WDR25: variants seen among roughly 807,000 people sequenced by gnomAD.
WDR25 encodes WD repeat-containing protein 25.
In WDR25, 35 loss-of-function variants were observed where a neutral mutation model predicts 47.7. The observed-to-expected ratio is 0.73, with a 90% CI of 0.56 to 0.97. WDR25 has a LOEUF of 0.97. WDR25 is among the 50% of genes least tolerant of loss of function. The pLI is 0.00. For synonymous variants in WDR25, 248 were observed against 278.9 expected (o/e 0.89, Z 1.10); for missense variants, 634 against 704.7 (o/e 0.90, Z 1.14).
intron 4 of WDR25, among the ~76,000 whole-genome samples, chr14:100,503,317 A>C (rs1045154381): frequency 6.6e-6 from 1 of 152,124 alleles, no homozygotes; most frequent in Non-Finnish European, 1.5e-5. Flanking sequence ...TAAAAGGGAA[A>C]GGTGTCCTCC....
rs117843842 is a variant in WDR25, at chr14:100,523,851, C to T, written c.1102-2019C>T. On this transcript the variant is annotated intron_variant, in intron 4 of 6. Coordinates refer to ENST00000402312, the MANE Select transcript of WDR25 (RefSeq NM_001161476.3). The surrounding 1 kb of genome is among the most constrained non-coding windows in gnomAD (Gnocchi z 4.7). The stretch of plus-strand genomic sequence containing the variant: ...CCTTTTGGATCCAGCTCGTTAGGCT[C>T]GGGTAGCAGCGTCCCATGCCAGCTG... 5.3e-4 allele frequency among the ~76,000 whole-genome samples: 80 copies of T among 152,234 alleles called. 1 individual carries two copies. In the East Asian group the frequency reaches 0.013, roughly 24 times the overall value.
intron 2 of WDR25, among the ~76,000 whole-genome samples, chr14:100,419,219 C>A (rs1355015216): frequency 3.0e-5 from 4 of 132,888 alleles, no homozygotes; most frequent in African/African-American, 9.1e-5. Flanking sequence ...AAGACTCCAT[C>A]ACAAAAAAAA....
At chr14:100,492,831 A>C (rs1399826488) in intron 4 of WDR25, among the ~76,000 whole-genome samples, 3 of 152,160 alleles carry the variant, frequency 2.0e-5, no homozygotes, top group Admixed American at 2.0e-4. Context: ...ATTTCTTTAG[A>C]GACATGGTCT....
At chr14:100,524,229 T>A (rs534268726) in intron 4 of WDR25, among the ~76,000 whole-genome samples, 4 of 151,996 alleles carry the variant, frequency 2.6e-5, no homozygotes, top group Admixed American at 6.6e-5. Context: ...AAGTTGCCTG[T>A]CTCTGAGACT....
At chr14:100,459,514 C>G (rs1246640725) in intron 2 of WDR25, among the ~76,000 whole-genome samples, 3 of 152,008 alleles carry the variant, frequency 2.0e-5, no homozygotes, top group Non-Finnish European at 4.4e-5. Context: ...AAATCTTAAC[C>G]CCCAGTGCCT....
At position 100,381,638 on chromosome 14, in the gene WDR25, G is replaced by C. The variant is rs1303640343; in HGVS notation, c.714G>C (p.Val238=). The C allele has an allele frequency of 1.7e-5, 27 of 1,613,996 alleles. No individual in the cohort carries two copies. Among genetic ancestry groups the C allele is most frequent in the Non-Finnish European group, 2.2e-5 (26 of 1,180,010 alleles). ...AAGAAACCACAGTTCCCCGGAAAGT[G>C]CTTTTCCACCTGAGAGGCCACAGGG... is the stretch of plus-strand genomic sequence containing the variant. The part of the protein sequence containing the change: ...HYKETTVPRK[V]LFHLRGHRGP... Residue 238 remains valine (V), a synonymous_variant, in exon 2 of 7, where the codon GTG becomes GTC. Coordinates refer to ENST00000402312, the MANE Select transcript of WDR25 (RefSeq NM_001161476.3).
At chr14:100,483,429 G>C (rs559210145) in intron 3 of WDR25, among the ~76,000 whole-genome samples, 1 of 152,192 alleles carries the variant, frequency 6.6e-6, no homozygotes, top group East Asian at 1.9e-4. Context: ...TCTGTGCTTG[G>C]GCCACCATGA....
chr14:100,388,882 G>C (rs1897077525), intron 2 of WDR25, among the ~76,000 whole-genome samples: 1 of 152,236 alleles, frequency 6.6e-6, no homozygotes, highest in African/African-American at 2.4e-5. Context: ...TGAAGGTGCA[G>C]CCTCTGTCCT....
rs1448310050 is a variant in WDR25, at chr14:100,498,320, G to A, written c.1101+14196G>A. On this transcript the variant is annotated intron_variant, in intron 4 of 6. Transcript: ENST00000402312. This position sits in a 1 kb window ranked among gnomAD's most constrained non-coding sequence, Gnocchi z 4.2. ...CTGAGGGCCACGTTCCGTAACAAGC[G>A]GGCCATTGCCACGCCCAGTTCAGAA... is the stretch of plus-strand genomic sequence containing the variant. Among the ~76,000 whole-genome samples, 2 of 152,114 alleles carry A rather than the reference G, an allele frequency of 1.3e-5. No individual in the cohort carries two copies. The highest frequency in any genetic ancestry group is 2.9e-5 in the Non-Finnish European group (2 of 68,040).
chr14:100,506,230 G>T lies in WDR25; in HGVS notation c.1102-19640G>T, dbSNP rs1399427311. ...GGTCTCCAACTTCATCCGTGTTGCTGCAAAGGACATGATTTCATCCTTTTT... is the reference window on the plus strand; with the variant it reads ...GGTCTCCAACTTCATCCGTGTTGCTTCAAAGGACATGATTTCATCCTTTTT... On this transcript the variant is annotated intron_variant, in intron 4 of 6. Transcript: ENST00000402312. The surrounding 1 kb of genome is among the most constrained non-coding windows in gnomAD (Gnocchi z 4.8). Among the ~76,000 whole-genome samples, 1 of 152,154 alleles carries T rather than the reference G, an allele frequency of 6.6e-6. No individual in the cohort carries two copies. Among genetic ancestry groups the T allele is most frequent in the Non-Finnish European group, 1.5e-5 (1 of 68,018 alleles).
chr14:100,469,091 C>T (rs758667780), intron 3 of WDR25, among the ~76,000 whole-genome samples: 5 of 152,186 alleles, frequency 3.3e-5, no homozygotes, highest in Non-Finnish European at 7.3e-5. Flanking sequence ...AGACTTCACA[C>T]CAGTCCCTGG....
chr14:100,482,025 G>T (rs1328002372), intron 3 of WDR25, among the ~76,000 whole-genome samples: 1 of 151,430 alleles, frequency 6.6e-6, no homozygotes, highest in African/African-American at 2.4e-5. Context: ...TAAGAATTGT[G>T]TACAAATTGA....
rs754002325 is a variant in WDR25, at chr14:100,380,960, G to C, written c.36G>C (p.Leu12Phe). The C allele has an allele frequency of 3.1e-6, 5 of 1,614,040 alleles. No homozygotes were observed. The highest frequency in any genetic ancestry group is 4.2e-6 in the Non-Finnish European group (5 of 1,179,988). ...TARTLSLMAS[L>F]VAYDDSDSEA... Reference sequence around the variant, plus strand: ...GAACTCTGTCTTTAATGGCTTCATTGGTAGCGTATGATGATTCGGACTCGG... The same window carrying C: ...GAACTCTGTCTTTAATGGCTTCATTCGTAGCGTATGATGATTCGGACTCGG... The change falls in exon 2 of 7, where the codon TTG (leucine) becomes TTC (phenylalanine). Residue 12 changes from leucine (L) to phenylalanine (F), a missense_variant. Leu to Phe is a conservative substitution (Grantham distance 22). Transcript: ENST00000402312.
intron 2 of WDR25, among the ~76,000 whole-genome samples, chr14:100,450,940 G>A (rs1052824780): frequency 3.3e-5 from 5 of 152,174 alleles, no homozygotes; most frequent in Admixed American, 6.5e-5. Context: ...ACCTAACAAC[G>A]TCAAAGCAGC....
chr14:100,479,970 C>G lies in WDR25; in HGVS notation c.971-4024C>G, dbSNP rs373308265. Among the ~76,000 whole-genome samples the G allele has an allele frequency of 3.3e-5, 5 of 152,182 alleles. No homozygotes were observed. The South Asian group carries it at 1.0e-3, about 32-fold the overall frequency. Reference sequence around the variant, plus strand: ...GTGGGACAGTTTCATCCCGAAAGCACCCCCATCGCAACCCCTGGTTCATGG... The same window carrying G: ...GTGGGACAGTTTCATCCCGAAAGCAGCCCCATCGCAACCCCTGGTTCATGG... On this transcript the variant is annotated intron_variant, in intron 3 of 6. Transcript: ENST00000402312.
intron 2 of WDR25, among the ~76,000 whole-genome samples, chr14:100,388,308 T>G (rs1897061789): frequency 6.6e-6 from 1 of 152,132 alleles, no homozygotes; most frequent in Non-Finnish European, 1.5e-5. Context: ...AGGAGAGAAT[T>G]GGTGATGTGT....
chr14:100,477,714 A>T (rs1186933771), intron 3 of WDR25, among the ~76,000 whole-genome samples: 3 of 152,200 alleles, frequency 2.0e-5, no homozygotes, highest in Admixed American at 2.0e-4. Context: ...ACAAATGTAA[A>T]GGGCAGCCCA....
At chr14:100,476,619 CCA>C (rs1358840937) in intron 3 of WDR25, 1 of 152,196 alleles carries the variant, frequency 6.6e-6, no homozygotes, top group Non-Finnish European at 1.5e-5. Context: ...TTAGACAGGG[CCA>C]GTCTCCGTCT....
Position 100,530,260 on chromosome 14 carries a change from C to G in WDR25, c.*219C>G, listed in dbSNP as rs928570079. 3 of 570,216 alleles carry G rather than the reference C, an allele frequency of 5.3e-6. No homozygotes were observed. Among genetic ancestry groups the G allele is most frequent in the Non-Finnish European group, 9.3e-6 (3 of 323,112 alleles). 35.3% of individuals were successfully genotyped at this position (570,216 alleles called of 1,614,324 possible). ...AGCGCCTGGCGGGCAGCCGGCGATG[C>G]CCAATAAATGTGTGTTTTGCTGTTT... On this transcript the variant is annotated 3_prime_UTR_variant, in exon 7 of 7. Transcript: ENST00000402312.
Sources: gnomAD v4.1 joint callset for allele counts (sites outside exome capture counted in the v4.1 genomes callset) on GRCh38, gnomAD v4.1.1 for gene constraint, Gnocchi (gnomAD v3.1) non-coding constraint, MANE v1.5 for transcripts, NCBI Gene and HGNC (gene_info 2026-07-23, HGNC 2026-07-21) for gene names.